Variants in WDR27 observed in about 807,000 individuals in gnomAD.
WDR27 encodes the protein WD repeat-containing protein 27.
Under a neutral mutation model 114.4 loss-of-function variants are expected in WDR27, and 100 were observed. That is an observed-to-expected ratio of 0.87 (90% CI 0.74 to 1.03). WDR27 has a LOEUF of 1.03. Ranked by LOEUF, WDR27 falls within the 50% of genes least tolerant of loss-of-function variation. The pLI, the probability that WDR27 is intolerant of heterozygous loss-of-function variation, is 0.00. For synonymous variants in WDR27, 449 were observed against 423.1 expected (o/e 1.06, Z -0.75); for missense variants, 1,129 against 1,092.9 (o/e 1.03, Z -0.47).
chr6:169,615,778 A>G (rs894615226), intron 21 of WDR27, among the ~76,000 whole-genome samples: 1 of 152,248 alleles, frequency 6.6e-6, no homozygotes, highest in Non-Finnish European at 1.5e-5. Context: ...AAAATTGACA[A>G]GTGGGATCTA....
the WDR27 span, among the ~76,000 whole-genome samples, chr6:169,447,662 G>A: frequency 6.6e-6 from 1 of 152,176 alleles, no homozygotes; most frequent in Non-Finnish European, 1.5e-5. Flanking sequence ...TCCACAGGGT[G>A]GGTGGACCGA....
intron 25 of WDR27, among the ~76,000 whole-genome samples, chr6:169,468,111 C>A (rs866426221): frequency 6.6e-6 from 1 of 152,194 alleles, no homozygotes; most frequent in Admixed American, 6.5e-5. Flanking sequence ...CAAGAGGGAC[C>A]TTTACTCCAG....
intron 2 of WDR27, among the ~76,000 whole-genome samples, chr6:169,685,633 G>A (rs1451877652): frequency 6.6e-6 from 1 of 152,090 alleles, no homozygotes; most frequent in East Asian, 1.9e-4. Context: ...AAGAATTTCT[G>A]AACTTGAAGA....
intron 25 of WDR27, among the ~76,000 whole-genome samples, chr6:169,478,605 T>C (rs1358366578): frequency 6.6e-6 from 1 of 152,022 alleles, no homozygotes; most frequent in South Asian, 2.1e-4. Context: ...ACACACCTTA[T>C]GTGCCACAAC....
At chr6:169,650,569 C>A (rs550549592) in intron 14 of WDR27, among the ~76,000 whole-genome samples, 65 of 148,048 alleles carry the variant, frequency 4.4e-4, no homozygotes, top group African/African-American at 1.6e-3. Flanking sequence ...ATCCATGCAC[C>A]CATTCATCCA....
intron 25 of WDR27, among the ~76,000 whole-genome samples, chr6:169,471,946 C>T (rs907285734): frequency 6.6e-6 from 1 of 152,134 alleles, no homozygotes; most frequent in Non-Finnish European, 1.5e-5. Context: ...GGAGCATGCC[C>T]TCCAACCTCA....
downstream of WDR27, among the ~76,000 whole-genome samples, chr6:169,456,420 C>T (rs1052941455): frequency 3.9e-5 from 6 of 152,188 alleles, no homozygotes; most frequent in South Asian, 4.2e-4. This position sits in a 1 kb window ranked among gnomAD's most constrained non-coding sequence, Gnocchi z 4.0. Context: ...CCTGGTTTCA[C>T]GGATAAAAGA....
At chr6:169,568,365 G>A (rs994785765) in intron 25 of WDR27, among the ~76,000 whole-genome samples, 3 of 152,104 alleles carry the variant, frequency 2.0e-5, no homozygotes, top group Non-Finnish European at 2.9e-5. Context: ...TCTAGTACAT[G>A]TCTTCCATGA....
chr6:169,618,039 G>T (rs537877038), intron 21 of WDR27, among the ~76,000 whole-genome samples: 1 of 152,192 alleles, frequency 6.6e-6, no homozygotes, highest in Non-Finnish European at 1.5e-5. Context: ...ACTAGGGAAA[G>T]ACCCATACCA....
intron 25 of WDR27, among the ~76,000 whole-genome samples, chr6:169,535,754 A>C (rs1796128252): frequency 6.6e-6 from 1 of 152,222 alleles, no homozygotes; most frequent in Non-Finnish European, 1.5e-5. Flanking sequence ...GGTAAGTCAG[A>C]CAAGAGCAAC....
At chr6:169,460,623 T>A (rs1784795656) in intron 25 of WDR27, among the ~76,000 whole-genome samples, 1 of 152,066 alleles carries the variant, frequency 6.6e-6, no homozygotes, top group Non-Finnish European at 1.5e-5. Flanking sequence ...TGGATTAAAT[T>A]CTCCAATGAG....
At chr6:169,653,070 T>C (rs1823035785) in intron 13 of WDR27, among the ~76,000 whole-genome samples, 1 of 152,206 alleles carries the variant, frequency 6.6e-6, no homozygotes, top group South Asian at 2.1e-4. Flanking sequence ...CAGCCGTCCA[T>C]GGCGGCAGAC....
intron 25 of WDR27, among the ~76,000 whole-genome samples, chr6:169,517,342 T>TC (rs1452504341): frequency 6.6e-6 from 1 of 152,190 alleles, no homozygotes; most frequent in Non-Finnish European, 1.5e-5. Flanking sequence ...AAACCTCTTT[T>TC]CTTTATAAAT....
intron 25 of WDR27, among the ~76,000 whole-genome samples, chr6:169,487,513 G>A (rs1004931380): frequency 2.6e-5 from 4 of 152,106 alleles, no homozygotes; most frequent in Admixed American, 6.5e-5. Context: ...TTACAGAGTC[G>A]AGGCGCTTGA....
chr6:169,502,340 G>A (rs1158104528), intron 25 of WDR27, among the ~76,000 whole-genome samples: 4 of 152,212 alleles, frequency 2.6e-5, no homozygotes, highest in Admixed American at 1.3e-4. Flanking sequence ...GGGCGATGTG[G>A]CGTTCCGTAC....
At chr6:169,597,357 C>G (rs775625958) in intron 23 of WDR27, among the ~76,000 whole-genome samples, 2 of 151,700 alleles carry the variant, frequency 1.3e-5, no homozygotes, top group African/African-American at 2.4e-5. Context: ...TGATTTTTTG[C>G]CTCTTGACAT....
intron 25 of WDR27, among the ~76,000 whole-genome samples, chr6:169,464,824 C>A (rs1785345870): frequency 6.6e-6 from 1 of 152,216 alleles, no homozygotes; most frequent in Non-Finnish European, 1.5e-5. Flanking sequence ...GCAAGAAGCA[C>A]ATGAAAAGAT....
At position 169,583,489 on chromosome 6, in the gene WDR27, A is replaced by G. The variant is rs1428679756; in HGVS notation, c.2425-555T>C. Among the ~76,000 whole-genome samples the G allele has an allele frequency of 5.2e-3, 42 of 8,036 alleles. 1 individual carries two copies. The highest frequency in any genetic ancestry group is 0.045 in the Middle Eastern group (1 of 22). 5.3% of individuals were successfully genotyped at this position (8,036 alleles called of 152,430 possible). On this transcript the variant is annotated intron_variant, in intron 23 of 25. Coordinates refer to ENST00000448612, the MANE Select transcript of WDR27 (RefSeq NM_182552.5). ...TGTGTGTGTGTGTGTGTATATATAC[A>G]TATATATATATATATGTATATATAC...
intron 9 of WDR27, 79 bp from the exon 10 acceptor site, chr6:169,660,845 G>A (rs1232804879): frequency 8.1e-7 from 1 of 1,228,518 alleles, no homozygotes; most frequent in Non-Finnish European, 1.1e-6. Flanking sequence ...CCCCTGGCCT[G>A]GCTGTGAGCT....
Sources: allele counts gnomAD v4.1 joint callset (sites outside exome capture counted in the v4.1 genomes callset), GRCh38; gene constraint gnomAD v4.1.1; non-coding constraint Gnocchi (gnomAD v3.1); transcripts MANE v1.5; gene names NCBI Gene and HGNC (gene_info 2026-07-23, HGNC 2026-07-21).